Variants in ADAMTS19 observed in about 807,000 individuals in gnomAD.
The protein encoded by ADAMTS19 is A disintegrin and metalloproteinase with thrombospondin motifs 19.
A neutral mutation model predicts 153.3 loss-of-function variants in ADAMTS19; 93 were observed. The observed-to-expected ratio is 0.61, with a 90% CI of 0.51 to 0.72. ADAMTS19 has a LOEUF of 0.72. Ranked by LOEUF, ADAMTS19 falls within the 30% of genes least tolerant of loss-of-function variation. The pLI is 0.00. For synonymous variants in ADAMTS19, 600 were observed against 556.6 expected, an observed-to-expected ratio of 1.08 and a Z score of -1.10; for missense variants, 1,482 against 1,552.1, an observed-to-expected ratio of 0.95 and a Z score of 0.76.
intron 16 of ADAMTS19, among the ~76,000 whole-genome samples, chr5:129,669,987 A>G (rs908565599): frequency 6.6e-6 from 1 of 152,128 alleles, no homozygotes; most frequent in Non-Finnish European, 1.5e-5. Context: ...GGGGGTTGTT[A>G]TTCAGCTCAT....
At chr5:129,463,196 T>C (rs1749746786) in intron 2 of ADAMTS19, among the ~76,000 whole-genome samples, 1 of 152,182 alleles carries the variant, frequency 6.6e-6, no homozygotes, top group South Asian at 2.1e-4. Flanking sequence ...TAATCACATA[T>C]AGAAAGTTCC....
chr5:129,568,326 A>C (rs934740525), intron 7 of ADAMTS19, among the ~76,000 whole-genome samples: 3 of 151,816 alleles, frequency 2.0e-5, no homozygotes, highest in African/African-American at 7.3e-5. Flanking sequence ...CATGATGTAT[A>C]GTAGATTTAA....
chr5:129,646,894 C>T (rs1753087744), intron 11 of ADAMTS19, among the ~76,000 whole-genome samples: 4 of 152,066 alleles, frequency 2.6e-5, no homozygotes, highest in African/African-American at 7.2e-5. Context: ...ATGTTTGCTA[C>T]GACCATCATC....
intron 2 of ADAMTS19, among the ~76,000 whole-genome samples, chr5:129,476,611 A>G (rs1750235207): frequency 6.6e-6 from 1 of 152,226 alleles, no homozygotes; most frequent in African/African-American, 2.4e-5. Flanking sequence ...ATATCAGTAC[A>G]GTACTTTTTA....
chr5:129,507,502 ATATG>A (rs1751302507), intron 2 of ADAMTS19, among the ~76,000 whole-genome samples: 1 of 152,240 alleles, frequency 6.6e-6, no homozygotes, highest in East Asian at 1.9e-4. Context: ...GAGAAGTAAA[ATATG>A]TATGGAAAAT....
chr5:129,723,221 T>C (rs1319318866), intron 21 of ADAMTS19, among the ~76,000 whole-genome samples: 1 of 152,202 alleles, frequency 6.6e-6, no homozygotes, highest in Non-Finnish European at 1.5e-5. Context: ...ACTTCGACTC[T>C]ACACTTCTGT....
At chr5:129,611,442 A>G (rs1017090591) in intron 8 of ADAMTS19, among the ~76,000 whole-genome samples, 5 of 152,110 alleles carry the variant, frequency 3.3e-5, no homozygotes, top group Non-Finnish European at 7.3e-5. Context: ...TAAGTCTTTA[A>G]TCTATCTTGA....
chr5:129,560,311 G>C (rs373913022), intron 7 of ADAMTS19, among the ~76,000 whole-genome samples: 1 of 152,128 alleles, frequency 6.6e-6, no homozygotes. Flanking sequence ...TTAGGGAGCA[G>C]GTTGTTTTTC....
chr5:129,487,393 C>A (rs1750632992), intron 2 of ADAMTS19, among the ~76,000 whole-genome samples: 2 of 152,074 alleles, frequency 1.3e-5, no homozygotes, highest in South Asian at 2.1e-4. Flanking sequence ...AATAATATTG[C>A]CCAAAAATAC....
rs139986982 is a variant in ADAMTS19 at position 129,674,714 on chromosome 5, C to T, written c.2507-5050C>T. On this transcript the variant is annotated intron_variant, in intron 16 of 22. Coordinates refer to ENST00000274487, the MANE Select transcript of ADAMTS19 (RefSeq NM_133638.6). ...TTCCTTTTTGCTATTATGCATCTTA[C>T]TTTCACATTTCCTATTATCAGTTTA... 3.2e-3 allele frequency among the ~76,000 whole-genome samples: 482 copies of T among 152,182 alleles called. 2 individuals are homozygous for T. Among genetic ancestry groups the T allele is most frequent in the Middle Eastern group, 0.014 (4 of 294 alleles).
intron 6 of ADAMTS19, among the ~76,000 whole-genome samples, chr5:129,550,058 G>GATATACATATACATGTA (rs2126819621): frequency 1.5e-4 from 11 of 71,330 alleles, no homozygotes; most frequent in African/African-American, 3.5e-4. Flanking sequence ...ATCTGTATAT[G>GATATACATATACATGTA]TATGTATCTA....
At chr5:129,643,389 A>AAAAAAAAAAAAAAAAAAAAC (rs1752910699) in intron 11 of ADAMTS19, among the ~76,000 whole-genome samples, 1 of 150,064 alleles carries the variant, frequency 6.7e-6, no homozygotes, top group Non-Finnish European at 1.5e-5. Context: ...AAAAAAAAGA[A>AAAAAAAAAAAAAAAAAAAAC]AAAAAAAAGA....
At chr5:129,706,071 G>C (rs1027062291) in intron 21 of ADAMTS19, among the ~76,000 whole-genome samples, 3 of 152,122 alleles carry the variant, frequency 2.0e-5, no homozygotes, top group African/African-American at 7.2e-5. Flanking sequence ...ATATAGGATA[G>C]AATAAGGAAG....
chr5:129,611,947 T>C (rs981139734), intron 8 of ADAMTS19, among the ~76,000 whole-genome samples: 2 of 152,064 alleles, frequency 1.3e-5, no homozygotes, highest in Non-Finnish European at 2.9e-5. Context: ...TTCAACATTC[T>C]TAATTTTTGA....
Position 129,524,809 on chromosome 5 carries a change from C to T in ADAMTS19, c.914-1475C>T, listed in dbSNP as rs542187227. ...AAATATCAACACCACAGATATCTCC[C>T]TTGTGCCCATGCCCAGGCTCTAATT... On this transcript the variant is annotated intron_variant, in intron 3 of 22. Coordinates refer to ENST00000274487, the MANE Select transcript of ADAMTS19 (RefSeq NM_133638.6). Among the ~76,000 whole-genome samples, 12 of 151,948 alleles carry T rather than the reference C, an allele frequency of 7.9e-5. No individual in the cohort carries two copies. The South Asian group carries it at 1.9e-3, about 24-fold the overall frequency.
At chr5:129,532,604 A>G (rs921477448) in intron 6 of ADAMTS19, among the ~76,000 whole-genome samples, 12 of 152,224 alleles carry the variant, frequency 7.9e-5, no homozygotes, top group Non-Finnish European at 1.5e-5. Context: ...TAAGAAAAAT[A>G]AAAATGTTAT....
chr5:129,582,286 G>A (rs1749554053), intron 7 of ADAMTS19, among the ~76,000 whole-genome samples: 1 of 150,722 alleles, frequency 6.6e-6, no homozygotes, highest in Non-Finnish European at 1.5e-5. Flanking sequence ...CTCCTGTATT[G>A]GGGGAATATA....
At chr5:129,638,800 T>C (rs1326743314) in intron 10 of ADAMTS19, among the ~76,000 whole-genome samples, 1 of 152,192 alleles carries the variant, frequency 6.6e-6, no homozygotes, top group African/African-American at 2.4e-5. Context: ...AATTGTCTTA[T>C]TTTAACATAA....
intron 2 of ADAMTS19, among the ~76,000 whole-genome samples, chr5:129,496,799 T>A (rs912972010): frequency 1.3e-5 from 2 of 152,092 alleles, no homozygotes; most frequent in Admixed American, 1.3e-4. Flanking sequence ...TACAATTGAA[T>A]ACACACCAAC....
Sources: gnomAD v4.1 joint callset for allele counts (sites outside exome capture counted in the v4.1 genomes callset) on GRCh38, gnomAD v4.1.1 for gene constraint, MANE v1.5 for transcripts, NCBI Gene and HGNC (gene_info 2026-07-23, HGNC 2026-07-21) for gene names.